The following CTNNA2 variants were observed in gnomAD, a reference collection of about 807,000 sequenced individuals.
CTNNA2 encodes catenin alpha 2, also known as catenin alpha-2.
CTNNA2 carries 42 observed loss-of-function variants against 101.0 expected under a neutral mutation model. The observed-to-expected ratio is 0.42, with a 90% CI of 0.32 to 0.54. The LOEUF (loss-of-function observed/expected upper bound fraction) is 0.54, where lower values mean the gene tolerates loss of function less well. CTNNA2 is among the 20% of genes least tolerant of loss of function. The pLI, the probability that CTNNA2 is intolerant of heterozygous loss-of-function variation, is 0.14. For missense variants in CTNNA2, 871 were observed against 1,223.1 expected (o/e 0.71, Z 4.29); for synonymous variants, 450 against 456.4 (o/e 0.99, Z 0.18).
At chr2:79,935,175 ATTAC>A (rs1297212594) in intron 7 of CTNNA2, among the ~76,000 whole-genome samples, 1 of 152,094 alleles carries the variant, frequency 6.6e-6, no homozygotes, top group East Asian at 1.9e-4. Flanking sequence ...CTTTGCACTT[ATTAC>A]TTCTTTTGAT....
intron 3 of CTNNA2, among the ~76,000 whole-genome samples, chr2:79,329,568 C>T (rs1449711597): frequency 2.0e-5 from 3 of 152,024 alleles, no homozygotes; most frequent in African/African-American, 4.8e-5. Flanking sequence ...TGCAGTGGGC[C>T]CTGAACTTCT....
At chr2:80,260,546 T>A (rs1443436431) in intron 7 of CTNNA2, among the ~76,000 whole-genome samples, 2 of 152,192 alleles carry the variant, frequency 1.3e-5, no homozygotes, top group Non-Finnish European at 2.9e-5. Flanking sequence ...ACCTCTCTTC[T>A]TATTTGGTTA....
intron 1 of CTNNA2, among the ~76,000 whole-genome samples, chr2:79,595,321 T>C (rs1004744157): frequency 6.6e-6 from 1 of 152,196 alleles, no homozygotes; most frequent in African/African-American, 2.4e-5. Context: ...ATTCCCGTGA[T>C]TTATCTTCTA....
At chr2:79,591,023 T>C (rs1273850464) in intron 1 of CTNNA2, among the ~76,000 whole-genome samples, 1 of 152,200 alleles carries the variant, frequency 6.6e-6, no homozygotes, top group African/African-American at 2.4e-5. Flanking sequence ...ATAATGTATT[T>C]TATATAATGC....
intron 7 of CTNNA2, among the ~76,000 whole-genome samples, chr2:79,980,867 CT>C (rs1337018826): frequency 6.6e-6 from 1 of 151,930 alleles, no homozygotes; most frequent in Non-Finnish European, 1.5e-5. Flanking sequence ...TGCAATATTA[CT>C]TATTCATTTT....
chr2:80,240,280 C>G (rs1019185119), intron 7 of CTNNA2, among the ~76,000 whole-genome samples: 1 of 152,198 alleles, frequency 6.6e-6, no homozygotes, highest in African/African-American at 2.4e-5. Context: ...CATCACTTGG[C>G]CTTGGCTTTA....
intron 3 of CTNNA2, among the ~76,000 whole-genome samples, chr2:79,357,801 C>T (rs79598389): frequency 0.016 from 2,485 of 152,134 alleles, 51 homozygotes; most frequent in African/African-American, 0.048. Flanking sequence ...TAAAGAAAGC[C>T]AGAAAATAAT....
At chr2:80,180,522 T>C (rs961005673) in intron 7 of CTNNA2, among the ~76,000 whole-genome samples, 1 of 152,152 alleles carries the variant, frequency 6.6e-6, no homozygotes, top group Non-Finnish European at 1.5e-5. Context: ...GACAGTTGAG[T>C]GCTGCCATTT....
intron 7 of CTNNA2, among the ~76,000 whole-genome samples, chr2:80,107,239 G>C (rs1700943856): frequency 2.0e-5 from 3 of 152,090 alleles, no homozygotes; most frequent in Admixed American, 2.0e-4. Flanking sequence ...TTTACCAATT[G>C]AATGTTGCCT....
chr2:80,454,368 G>A (rs938346076), intron 9 of CTNNA2, among the ~76,000 whole-genome samples: 1 of 152,188 alleles, frequency 6.6e-6, no homozygotes, highest in African/African-American at 2.4e-5. Context: ...CACCTCGGGA[G>A]TTCTGGGTTC....
At chr2:80,580,984 C>T (rs1187016947) in intron 13 of CTNNA2, among the ~76,000 whole-genome samples, 1 of 151,530 alleles carries the variant, frequency 6.6e-6, no homozygotes, top group East Asian at 2.0e-4. Context: ...CTGCTGCACT[C>T]CAGCCTGGGC....
At chr2:79,693,537 A>C (rs1684461045) in intron 2 of CTNNA2, among the ~76,000 whole-genome samples, 1 of 151,978 alleles carries the variant, frequency 6.6e-6, no homozygotes, top group African/African-American at 2.4e-5. Flanking sequence ...ATAATTCAGA[A>C]GAGAGAAAAT....
intron 4 of CTNNA2, among the ~76,000 whole-genome samples, chr2:79,410,286 C>A (rs1226849069): frequency 2.1e-5 from 3 of 143,278 alleles, no homozygotes; most frequent in East Asian, 2.0e-4. Context: ...AATTGAATAC[C>A]CTTTATTTCC....
intron 3 of CTNNA2, among the ~76,000 whole-genome samples, chr2:79,815,579 G>A (rs1281036878): frequency 6.6e-6 from 1 of 152,016 alleles, no homozygotes; most frequent in African/African-American, 2.4e-5. Flanking sequence ...GTATGTATTG[G>A]GTTTATTTCT....
At chr2:80,583,001 A>G (rs1695669052) in intron 14 of CTNNA2, among the ~76,000 whole-genome samples, 2 of 152,134 alleles carry the variant, frequency 1.3e-5, no homozygotes, top group Admixed American at 1.3e-4. Context: ...ATAAACAAAC[A>G]TTAATAGGAG....
intron 7 of CTNNA2, among the ~76,000 whole-genome samples, chr2:80,380,028 CTTTTTT>C (rs769794108): frequency 2.3e-5 from 2 of 86,524 alleles, no homozygotes; most frequent in East Asian, 3.8e-4. Context: ...TCGAGATGTA[CTTTTTT>C]TTTTTTTTTT....
chr2:80,626,708 A>G (rs1204256949), intron 18 of CTNNA2, among the ~76,000 whole-genome samples: 3 of 151,956 alleles, frequency 2.0e-5, no homozygotes, highest in Non-Finnish European at 1.5e-5. Flanking sequence ...GGAAATCAAA[A>G]TCTATTCTTT....
At chr2:80,060,587 C>T (rs998673696) in intron 7 of CTNNA2, among the ~76,000 whole-genome samples, 21 of 152,172 alleles carry the variant, frequency 1.4e-4, no homozygotes, top group Non-Finnish European at 1.8e-4. Context: ...TAATCTTCTC[C>T]CTCTGCTATG....
chr2:80,112,788 T>G lies in CTNNA2; in HGVS notation c.1056+202991T>G, dbSNP rs185068406. On this transcript the variant is annotated intron_variant, in intron 7 of 18. Transcript: ENST00000402739. ...AGATGGTGTGTGCCAACAAATTGTATTAGTCTAAAGAAAACATAATTATGA... is the reference window on the plus strand; with the variant it reads ...AGATGGTGTGTGCCAACAAATTGTAGTAGTCTAAAGAAAACATAATTATGA... Among the ~76,000 whole-genome samples the G allele has an allele frequency of 1.1e-3, 173 of 152,306 alleles. 2 individuals are homozygous for G. The highest frequency in any genetic ancestry group is 6.8e-3 in the Middle Eastern group (2 of 294).
Sources: allele counts gnomAD v4.1 joint callset (sites outside exome capture counted in the v4.1 genomes callset), GRCh38; gene constraint gnomAD v4.1.1; transcripts MANE v1.5; gene names NCBI Gene and HGNC (gene_info 2026-07-23, HGNC 2026-07-21).